The following ACACA variants were observed in gnomAD, a reference collection of about 807,000 sequenced individuals.
ACACA encodes acetyl-CoA carboxylase alpha.
In ACACA, 103 loss-of-function variants were observed where a neutral mutation model predicts 296.1. The ratio of observed to expected loss-of-function variants is 0.35; its 90% CI spans 0.30 to 0.41. ACACA has a LOEUF of 0.41. Among genes scored for constraint, ACACA ranks in the 10% least tolerant of loss-of-function variants. The probability of loss-of-function intolerance (pLI) is 1.00; values close to 1 mark genes in which losing one functional copy is unlikely to be tolerated. For missense variants in ACACA, 1,554 were observed against 2,989.7 expected (o/e 0.52, Z 11.20); for synonymous variants, 953 against 1,038.6 (o/e 0.92, Z 1.58).
At chr17:37,180,621 T>G (rs112888703) in intron 40 of ACACA, among the ~76,000 whole-genome samples, 1 of 152,190 alleles carries the variant, frequency 6.6e-6, no homozygotes, top group Non-Finnish European at 1.5e-5. Flanking sequence ...ACCATACAGA[T>G]TGAAAGAATT....
chr17:37,398,098 C>T (rs1376176957), intron 1 of ACACA, among the ~76,000 whole-genome samples: 2 of 150,788 alleles, frequency 1.3e-5, no homozygotes, highest in African/African-American at 4.9e-5. Context: ...GGCGTGGTGG[C>T]GCGCGCCTGT....
intron 3 of ACACA, among the ~76,000 whole-genome samples, chr17:37,301,992 C>G (rs1374898866): frequency 2.0e-5 from 3 of 148,196 alleles, no homozygotes; most frequent in African/African-American, 7.4e-5. Flanking sequence ...TTTTTTTTTT[C>G]TTTTTTGAGA....
At chr17:37,266,270 C>G (rs1336484082) in intron 10 of ACACA, among the ~76,000 whole-genome samples, 1 of 151,942 alleles carries the variant, frequency 6.6e-6, no homozygotes, top group Non-Finnish European at 1.5e-5. Flanking sequence ...AAAAACTAGC[C>G]AGGCATTGTG....
At chr17:37,315,964 T>C (rs924151647) in intron 3 of ACACA, among the ~76,000 whole-genome samples, 12 of 152,190 alleles carry the variant, frequency 7.9e-5, no homozygotes, top group African/African-American at 2.9e-4. Flanking sequence ...TTCCTTGGTC[T>C]TTCTGGTTAA....
In ACACA at chr17:37,224,966, TTA is replaced by T. The variant is rs200129602; in HGVS notation, c.3474+24_3474+25del. Reference sequence around the variant, plus strand: ...AAGAGTCCAGATAGGCAGGAAAGGGTTATATATATATATATATATATATACCT... The same window carrying T: ...AAGAGTCCAGATAGGCAGGAAAGGGTTATATATATATATATATATATACCT... On this transcript the variant is annotated intron_variant, in intron 27 of 55. Coordinates refer to ENST00000616317, the MANE Select transcript of ACACA (RefSeq NM_198834.3). The T allele has an allele frequency of 0.23, 207,430 of 885,122 alleles. 4 individuals carry two copies. The highest frequency in any genetic ancestry group is 0.28 in the Middle Eastern group (906 of 3,290). 54.8% of individuals were successfully genotyped at this position (885,122 alleles called of 1,614,324 possible).
chr17:37,252,784 C>T (rs1438351471), intron 15 of ACACA, 102 bp downstream of exon 15: 4 of 1,495,422 alleles, frequency 2.7e-6, no homozygotes. Context: ...AGATCAAGAA[C>T]CATTTACATT....
intron 41 of ACACA, among the ~76,000 whole-genome samples, chr17:37,176,952 C>T (rs2077137935): frequency 6.6e-6 from 1 of 152,120 alleles, no homozygotes; most frequent in Non-Finnish European, 1.5e-5. Flanking sequence ...AAACAGCAAG[C>T]TAACACTCAG....
At chr17:37,317,385 G>T (rs1014899119) in intron 3 of ACACA, among the ~76,000 whole-genome samples, 1 of 152,134 alleles carries the variant, frequency 6.6e-6, no homozygotes, top group Non-Finnish European at 1.5e-5. Context: ...AGGCAACAGG[G>T]CGAAACCCCG....
chr17:37,097,065 A>G lies in ACACA; in HGVS notation c.6822T>C (p.Pro2274=). The change falls in exon 54 of 56, where the codon CCT becomes CCC. Residue 2274 remains proline, a synonymous_variant. Transcript: ENST00000616317. This position sits in a 1 kb window ranked among gnomAD's most constrained non-coding sequence, Gnocchi z 4.8. ...CTTGAATCTGGCCATCAGTCAGCTCAGGGTTGGCATTGTGGATTTTCTTCT... is the reference window on the plus strand; with the variant it reads ...CTTGAATCTGGCCATCAGTCAGCTCGGGGTTGGCATTGTGGATTTTCTTCT... ...LVKKKIHNAN[P]ELTDGQIQAM... 6.2e-7 allele frequency: 1 copy of G among 1,614,132 alleles called. No homozygotes were observed. Among genetic ancestry groups the G allele is most frequent in the South Asian group, 1.1e-5 (1 of 91,086 alleles).
chr17:37,241,917 G>A, intron 23 of ACACA, 36 bp downstream of exon 23: 9 of 1,531,838 alleles, frequency 5.9e-6, no homozygotes, highest in Non-Finnish European at 8.1e-6. Flanking sequence ...ACATGAGTAT[G>A]GACAGGTCTG....
chr17:37,260,272 ATATATATATATATATATATATATATTT>A (rs2081407148), intron 11 of ACACA, among the ~76,000 whole-genome samples: 1 of 25,132 alleles, frequency 4.0e-5, no homozygotes, highest in Non-Finnish European at 6.5e-5. Flanking sequence ...ATATATATAT[ATATATATATATATATATATATATATTT>A]TTTTTTTTTT....
Position 37,205,896 on chromosome 17 carries a change from A to T in ACACA, c.3949-24T>A, listed in dbSNP as rs2078476617. On this transcript the variant is annotated intron_variant, in intron 32 of 55. Coordinates refer to ENST00000616317, the MANE Select transcript of ACACA (RefSeq NM_198834.3). The stretch of plus-strand genomic sequence containing the variant: ...ACCTGTAACTCAAGAACACAAGTCA[A>T]AGAAATTATGAGGCTGGCCAATACA... 2.6e-6 allele frequency: 4 copies of T among 1,564,400 alleles called. No homozygotes were observed. The East Asian group carries it at 9.0e-5, about 35-fold the overall frequency.
Position 37,245,134 on chromosome 17 carries a change from G to A in ACACA, c.2541C>T (p.Asp847=), listed in dbSNP as rs770751000. Residue 847 remains aspartate (D), a synonymous_variant, in exon 20 of 56, where the codon GAC becomes GAT. Transcript: ENST00000616317. ...GCATTTTGGCTAGTACACAGCCAGG[G>A]TCAAGAGCTGCTCCAGGTCGCTTGA... ...HYVKRPGAAL[D]PGCVLAKMQL... 1 of 1,614,044 alleles carries A rather than the reference G, an allele frequency of 6.2e-7. No individual in the cohort carries two copies.
At chr17:37,179,520 G>T in intron 40 of ACACA, 114 bp from the exon 41 acceptor site, 1 of 1,168,494 alleles carries the variant, frequency 8.6e-7, no homozygotes. Context: ...GTTCTGCAGA[G>T]TGTAAACATT....
chr17:37,401,596 G>A (rs2051294938), intron 1 of ACACA, among the ~76,000 whole-genome samples: 1 of 141,514 alleles, frequency 7.1e-6, no homozygotes. Flanking sequence ...GTCTCACTCT[G>A]TTGCCCAGGC....
intron 15 of ACACA, among the ~76,000 whole-genome samples, chr17:37,252,402 G>C (rs1311669600): frequency 1.3e-5 from 2 of 152,098 alleles, no homozygotes; most frequent in Non-Finnish European, 2.9e-5. Context: ...AATTTAAAAA[G>C]ACACAACGAT....
At chr17:37,401,186 TTTTG>T (rs1409828214) in intron 1 of ACACA, among the ~76,000 whole-genome samples, 2 of 151,314 alleles carry the variant, frequency 1.3e-5, no homozygotes, top group Non-Finnish European at 2.9e-5. Flanking sequence ...TGTCTTTTTC[TTTTG>T]TTTTTCTTTT....
At chr17:37,178,150 T>C (rs1231824965) in intron 41 of ACACA, among the ~76,000 whole-genome samples, 6 of 152,216 alleles carry the variant, frequency 3.9e-5, no homozygotes, top group Admixed American at 3.9e-4. Context: ...GGTATTATCA[T>C]TGTTATAACT....
chr17:37,208,422 G>A (rs1485372748), intron 30 of ACACA, among the ~76,000 whole-genome samples: 1 of 152,174 alleles, frequency 6.6e-6, no homozygotes, highest in Non-Finnish European at 1.5e-5. Flanking sequence ...TTAATGGGTT[G>A]GTAGGCATAG....
Sources: gnomAD v4.1 joint callset for allele counts (sites outside exome capture counted in the v4.1 genomes callset) on GRCh38, gnomAD v4.1.1 for gene constraint, Gnocchi (gnomAD v3.1) non-coding constraint, MANE v1.5 for transcripts, NCBI Gene and HGNC (gene_info 2026-07-23, HGNC 2026-07-21) for gene names.